TSPAN7: variants seen among roughly 807,000 people sequenced by gnomAD.
TSPAN7 encodes the protein tetraspanin 7.
A neutral mutation model predicts 17.6 loss-of-function variants in TSPAN7; 1 was observed. The ratio of observed to expected loss-of-function variants is 0.06; its 90% CI spans 0.02 to 0.27. TSPAN7 has a LOEUF of 0.27. Among genes scored for constraint, TSPAN7 ranks in the 10% least tolerant of loss-of-function variants. The pLI is 1.00. For synonymous variants in TSPAN7, 78 were observed against 79.0 expected, an observed-to-expected ratio of 0.99 and a Z score of 0.07; for missense variants, 112 against 201.7, an observed-to-expected ratio of 0.56 and a Z score of 2.69.
Position 38,631,110 on chromosome X carries a change from T to G in TSPAN7, c.82-35011T>G, listed in dbSNP as rs2069548396. Among the ~76,000 whole-genome samples, 3 of 111,891 alleles carry G rather than the reference T, an allele frequency of 2.7e-5. No individual in the cohort carries two copies. The South Asian group carries it at 1.1e-3, about 42-fold the overall frequency. On this transcript the variant is annotated intron_variant, in intron 1 of 7. Coordinates refer to ENST00000378482, the MANE Select transcript of TSPAN7 (RefSeq NM_004615.4). ...TTTTTGAAAACTCCAAACATGAAAG[T>G]AAATATTTACCATCTGAGTCTTTAA...
chrX:38,685,489 G>C (rs1026206952), intron 6 of TSPAN7, among the ~76,000 whole-genome samples: 3 of 110,943 alleles, frequency 2.7e-5, no homozygotes, highest in African/African-American at 9.9e-5. Context: ...ATGTGGTGGC[G>C]CACAAATGTA....
At chrX:38,583,195 T>A (rs934356661) in intron 1 of TSPAN7, among the ~76,000 whole-genome samples, 1 of 112,730 alleles carries the variant, frequency 8.9e-6, no homozygotes, top group Middle Eastern at 4.6e-3. Flanking sequence ...TTCCTCCCCA[T>A]TTTTTAGCTT....
intron 1 of TSPAN7, among the ~76,000 whole-genome samples, chrX:38,627,082 T>A (rs1233060817): frequency 8.9e-6 from 1 of 112,219 alleles, no homozygotes; most frequent in Non-Finnish European, 1.9e-5. Flanking sequence ...TTTGCTAACA[T>A]CTAATTAGTC....
intron 1 of TSPAN7, among the ~76,000 whole-genome samples, chrX:38,565,855 C>T (rs746490532): frequency 2.7e-5 from 3 of 111,721 alleles, no homozygotes; most frequent in African/African-American, 6.5e-5. Flanking sequence ...TGCCCCCCTC[C>T]CATATTTGGC....
At chrX:38,596,631 C>G (rs2069320116) in intron 1 of TSPAN7, among the ~76,000 whole-genome samples, 1 of 111,369 alleles carries the variant, frequency 9.0e-6, no homozygotes, top group South Asian at 3.8e-4. Context: ...TCAGCATCAT[C>G]TGGGTGCTAG....
chrX:38,671,895 T>A (rs1309641010), intron 3 of TSPAN7, among the ~76,000 whole-genome samples: 1 of 109,946 alleles, frequency 9.1e-6, no homozygotes, highest in African/African-American at 3.3e-5. Flanking sequence ...ATAAAAAAAA[T>A]AAATTAGCTG....
intron 1 of TSPAN7, among the ~76,000 whole-genome samples, chrX:38,638,395 G>A (rs866758685): frequency 5.3e-5 from 6 of 112,224 alleles, no homozygotes; most frequent in African/African-American, 1.9e-4. Context: ...TTAAAATATT[G>A]AATACAATGG....
chrX:38,623,672 A>C (rs1274818291), intron 1 of TSPAN7, among the ~76,000 whole-genome samples: 1 of 106,119 alleles, frequency 9.4e-6, no homozygotes, highest in African/African-American at 3.4e-5. Flanking sequence ...CTTTTGCACC[A>C]ACCTAATAGC....
intron 1 of TSPAN7, among the ~76,000 whole-genome samples, chrX:38,593,668 G>A (rs1049567721): frequency 1.8e-5 from 2 of 111,933 alleles, no homozygotes; most frequent in Admixed American, 9.5e-5. Context: ...TCAAAAGTGG[G>A]TTTCTTACAA....
intron 6 of TSPAN7, among the ~76,000 whole-genome samples, chrX:38,681,978 G>T (rs1376148215): frequency 9.0e-6 from 1 of 111,533 alleles, no homozygotes; most frequent in Non-Finnish European, 1.9e-5. Context: ...GGCAGGGCAT[G>T]GTTCCACAGG....
chrX:38,565,149 G>A (rs964119943), intron 1 of TSPAN7, among the ~76,000 whole-genome samples: 2 of 112,096 alleles, frequency 1.8e-5, no homozygotes, highest in African/African-American at 6.5e-5. Flanking sequence ...CTGGCACATA[G>A]TAGGTACTCA....
At chrX:38,648,982 T>C (rs1417039910) in intron 1 of TSPAN7, among the ~76,000 whole-genome samples, 1 of 109,941 alleles carries the variant, frequency 9.1e-6, no homozygotes, top group African/African-American at 3.3e-5. Flanking sequence ...GTAAGGAGGG[T>C]CCCTGGTGTA....
intron 1 of TSPAN7, among the ~76,000 whole-genome samples, chrX:38,632,624 T>C (rs2069557147): frequency 8.9e-6 from 1 of 112,762 alleles, no homozygotes; most frequent in South Asian, 3.6e-4. Context: ...AATTTCATAA[T>C]TTAATGTTTT....
At chrX:38,584,250 G>T (rs987858246) in intron 1 of TSPAN7, among the ~76,000 whole-genome samples, 3 of 110,844 alleles carry the variant, frequency 2.7e-5, no homozygotes, top group Admixed American at 9.6e-5. Flanking sequence ...ACAGCGCCTG[G>T]CAAACCTGAT....
chrX:38,578,557 G>A (rs997783034), intron 1 of TSPAN7, among the ~76,000 whole-genome samples: 13 of 111,087 alleles, frequency 1.2e-4, no homozygotes, highest in African/African-American at 3.9e-4. Context: ...CTAGCCTGAG[G>A]GTTATGTAAA....
chrX:38,612,544 C>T (rs760587053), intron 1 of TSPAN7: 2 of 111,844 alleles, frequency 1.8e-5, no homozygotes, highest in African/African-American at 3.3e-5. Flanking sequence ...ACACAGCTGT[C>T]ATCCGGAGCT....
At chrX:38,638,426 C>T (rs1289718924) in intron 1 of TSPAN7, among the ~76,000 whole-genome samples, 1 of 112,107 alleles carries the variant, frequency 8.9e-6, no homozygotes, top group East Asian at 2.8e-4. Flanking sequence ...AGAATACATG[C>T]TCATAGTGAG....
chrX:38,669,014 G>A (rs1472200733), intron 2 of TSPAN7, among the ~76,000 whole-genome samples: 4 of 110,608 alleles, frequency 3.6e-5, no homozygotes, highest in Admixed American at 1.9e-4. Context: ...AGCTAGATAG[G>A]AGGAATTATC....
chrX:38,642,728 G>A (rs1428103339), intron 1 of TSPAN7, among the ~76,000 whole-genome samples: 1 of 112,095 alleles, frequency 8.9e-6, no homozygotes, highest in Non-Finnish European at 1.9e-5. Context: ...AGACTGCAGT[G>A]ATGCTGCTTG....
Sources: allele counts gnomAD v4.1 joint callset (sites outside exome capture counted in the v4.1 genomes callset), GRCh38; gene constraint gnomAD v4.1.1; transcripts MANE v1.5; gene names NCBI Gene and HGNC (gene_info 2026-07-23, HGNC 2026-07-21).